The following ARHGAP28 variants were observed in gnomAD, a reference collection of about 807,000 sequenced individuals.
ARHGAP28 encodes the protein rho GTPase-activating protein 28.
A neutral mutation model predicts 90.7 loss-of-function variants in ARHGAP28; 56 were observed. The observed-to-expected ratio is 0.62, with a 90% CI of 0.50 to 0.77. The LOEUF is 0.77. Among genes scored for constraint, ARHGAP28 ranks in the 30% least tolerant of loss-of-function variants. ARHGAP28 has a pLI of 0.00. For synonymous variants in ARHGAP28, 308 were observed against 323.3 expected (o/e 0.95, Z 0.51); for missense variants, 869 against 900.9 (o/e 0.96, Z 0.45).
At chr18:6,874,163 A>G (rs1176400832) in intron 9 of ARHGAP28, among the ~76,000 whole-genome samples, 2 of 152,218 alleles carry the variant, frequency 1.3e-5, no homozygotes, top group Non-Finnish European at 2.9e-5. Flanking sequence ...ATTATTACCA[A>G]TGCATATATA....
intron 1 of ARHGAP28, among the ~76,000 whole-genome samples, chr18:6,776,271 CGA>C (rs1282944032): frequency 1.3e-5 from 2 of 152,136 alleles, no homozygotes; most frequent in Non-Finnish European, 2.9e-5. Flanking sequence ...CCAGATGAGC[CGA>C]GTGCAGGAAT....
Position 6,814,555 on chromosome 18 carries a change from C to T in ARHGAP28, c.123-10207C>T, listed in dbSNP as rs543597460. On this transcript the variant is annotated intron_variant, in intron 1 of 17. Transcript: ENST00000383472. Reference sequence around the variant, plus strand: ...ACCAGAGATTTAGAAGAAACAGGGGCTAAATGGCTGCATTCCAGCAAATAC... The same window carrying T: ...ACCAGAGATTTAGAAGAAACAGGGGTTAAATGGCTGCATTCCAGCAAATAC... Among the ~76,000 whole-genome samples, 14 of 152,214 alleles carry T rather than the reference C, an allele frequency of 9.2e-5. No homozygotes were observed. The East Asian group carries it at 9.7e-4, about 11-fold the overall frequency.
At chr18:6,740,720 G>C (rs964598320) in intron 1 of ARHGAP28, among the ~76,000 whole-genome samples, 1 of 152,124 alleles carries the variant, frequency 6.6e-6, no homozygotes, top group Non-Finnish European at 1.5e-5. Flanking sequence ...TTTTTAACCA[G>C]CTAAGGAGCT....
chr18:6,792,226 G>A (rs909036492), intron 1 of ARHGAP28, among the ~76,000 whole-genome samples: 5 of 152,120 alleles, frequency 3.3e-5, no homozygotes, highest in African/African-American at 9.7e-5. Flanking sequence ...ATGTGTCCTC[G>A]ACTGTCATGA....
chr18:6,786,715 C>G (rs900878417), intron 1 of ARHGAP28, among the ~76,000 whole-genome samples: 1 of 151,978 alleles, frequency 6.6e-6, no homozygotes, highest in Non-Finnish European at 1.5e-5. Context: ...GCAAGAACTG[C>G]CATTCAAAGC....
chr18:6,908,940 T>C lies in ARHGAP28; in HGVS notation c.2031-20T>C, dbSNP rs776279137. The C allele has an allele frequency of 2.3e-5, 32 of 1,421,568 alleles. No homozygotes were observed. Among genetic ancestry groups the C allele is most frequent in the Non-Finnish European group, 3.0e-5 (31 of 1,017,812 alleles). The allele number at this position is 1,421,568 out of a possible 1,614,324, so 88.1% of individuals were successfully genotyped here. On this transcript the variant is annotated intron_variant, in intron 16 of 17. Transcript: ENST00000383472. ...TCAGGAAAAAGTACTAAAATTATAT[T>C]ATTTTCTCATTTTTTTCAGTCATGG...
At chr18:6,887,357 A>G (rs1206785220) in intron 12 of ARHGAP28, 118 bp downstream of exon 12, 2 of 841,030 alleles carry the variant, frequency 2.4e-6, no homozygotes, top group Non-Finnish European at 3.9e-6. Context: ...CATGCTGCAA[A>G]CACACGGCCT....
intron 1 of ARHGAP28, among the ~76,000 whole-genome samples, chr18:6,757,149 T>C (rs1303059658): frequency 6.6e-6 from 1 of 152,214 alleles, no homozygotes; most frequent in Non-Finnish European, 1.5e-5. Flanking sequence ...TCTAACCGTT[T>C]GCAAAGAATA....
intron 1 of ARHGAP28, chr18:6,779,140 G>A (rs2056305793): frequency 6.6e-6 from 1 of 152,184 alleles, no homozygotes; most frequent in Admixed American, 6.5e-5. Context: ...ATAGACTCAT[G>A]CAGAGCCTAG....
intron 11 of ARHGAP28, among the ~76,000 whole-genome samples, chr18:6,883,842 A>G (rs995725311): frequency 1.3e-5 from 2 of 151,868 alleles, no homozygotes; most frequent in Admixed American, 1.3e-4. Context: ...ACCAGTATCT[A>G]TTTTCTTTGT....
rs2057076892 is a variant in ARHGAP28 at position 6,870,687 on chromosome 18, T to G, written c.909T>G (p.Asn303Lys). 6.2e-7 allele frequency: 1 copy of G among 1,611,768 alleles called. No homozygotes were observed. Among genetic ancestry groups the G allele is most frequent in the Non-Finnish European group, 8.5e-7 (1 of 1,178,948 alleles). ...TGGTTACGGAGGCTCTAAAAAGAAA[T>G]AAACTTAAGAAATCAGAGATTAAGA... is the stretch of plus-strand genomic sequence containing the variant. ...SEMVTEALKRNKLKKSEIKKE... is the reference protein window; with the variant it reads ...SEMVTEALKRKKLKKSEIKKE... Residue 303 changes from asparagine (N) to lysine (K), a missense_variant, in exon 7 of 18, where the codon AAT becomes AAG. By Grantham distance (94) the Asn-to-Lys change is moderately conservative. Transcript: ENST00000383472.
chr18:6,858,618 A>G (rs1003800998), intron 4 of ARHGAP28, among the ~76,000 whole-genome samples: 10 of 151,430 alleles, frequency 6.6e-5, no homozygotes, highest in African/African-American at 2.2e-4. Flanking sequence ...ATCTTGGCTC[A>G]CTGCAACCTC....
intron 1 of ARHGAP28, among the ~76,000 whole-genome samples, chr18:6,821,009 T>C (rs1337627293): frequency 6.6e-6 from 1 of 152,128 alleles, no homozygotes; most frequent in Non-Finnish European, 1.5e-5. Flanking sequence ...ATGTATTTAG[T>C]TTTTCAAAAA....
At chr18:6,879,876 A>T (rs541984956) in intron 10 of ARHGAP28, among the ~76,000 whole-genome samples, 1 of 152,188 alleles carries the variant, frequency 6.6e-6, no homozygotes, top group South Asian at 2.1e-4. Context: ...ACCATAACCT[A>T]GTCAGTTGCT....
chr18:6,903,462 G>A (rs2057347920), intron 16 of ARHGAP28, among the ~76,000 whole-genome samples: 1 of 152,096 alleles, frequency 6.6e-6, no homozygotes. Flanking sequence ...CACATGTACT[G>A]TAATATCCAG....
intron 1 of ARHGAP28, among the ~76,000 whole-genome samples, chr18:6,812,401 G>T (rs1269433931): frequency 6.6e-6 from 1 of 152,176 alleles, no homozygotes; most frequent in African/African-American, 2.4e-5. Context: ...AAGCTCAACA[G>T]ATTTGCTCAC....
intron 3 of ARHGAP28, among the ~76,000 whole-genome samples, chr18:6,844,143 T>C (rs772887742): frequency 3.9e-5 from 6 of 152,212 alleles, no homozygotes; most frequent in Admixed American, 1.3e-4. Flanking sequence ...GTGGAATTGA[T>C]GTACAACTGA....
chr18:6,870,718 G>C lies in ARHGAP28; in HGVS notation c.940G>C (p.Asp314His), dbSNP rs377260177. Residue 314 changes from aspartate (D) to histidine (H), a missense_variant, in exon 7 of 18, where the codon GAC (aspartate) becomes CAC (histidine). Physicochemically the swap from Asp to His is moderately conservative, Grantham distance 81. Transcript: ENST00000383472. ...TAAGAAATCAGAGATTAAGAAAGAA[G>C]ACTATGTTTTAACTGTAAGCAAAAC... ...KLKKSEIKKE[D>H]YVLTKFNVQK... 2.5e-6 allele frequency: 4 copies of C among 1,607,392 alleles called. No individual in the cohort carries two copies. Among genetic ancestry groups the C allele is most frequent in the South Asian group, 1.1e-5 (1 of 89,882 alleles).
intron 2 of ARHGAP28, among the ~76,000 whole-genome samples, chr18:6,826,220 ATAAT>A (rs1463851632): frequency 6.7e-6 from 1 of 149,628 alleles, no homozygotes; most frequent in African/African-American, 2.5e-5. Flanking sequence ...CATTTCTCTG[ATAAT>A]TAGTGATGAT....
Sources: gnomAD v4.1 joint callset for allele counts (sites outside exome capture counted in the v4.1 genomes callset) on GRCh38, gnomAD v4.1.1 for gene constraint, MANE v1.5 for transcripts, NCBI Gene and HGNC (gene_info 2026-07-23, HGNC 2026-07-21) for gene names.